PTPRG: variants seen among roughly 807,000 people sequenced by gnomAD.
PTPRG encodes the protein receptor-type tyrosine-protein phosphatase gamma.
PTPRG carries 102 observed loss-of-function variants against 165.3 expected under a neutral mutation model. The ratio of observed to expected loss-of-function variants is 0.62; its 90% confidence interval spans 0.53 to 0.73. The LOEUF (loss-of-function observed/expected upper bound fraction) is 0.73, where lower values mean the gene tolerates loss of function less well. PTPRG is among the 30% of genes least tolerant of loss of function. PTPRG has a pLI of 0.00. For missense variants in PTPRG, 1,866 were observed against 1,861.4 expected (o/e 1.00, Z -0.05); for synonymous variants, 675 against 669.5 (o/e 1.01, Z -0.13).
At chr3:62,232,827 G>A (rs1224719632) in intron 14 of PTPRG, among the ~76,000 whole-genome samples, 3 of 152,224 alleles carry the variant, frequency 2.0e-5, no homozygotes, top group Non-Finnish European at 4.4e-5. Context: ...GGTATTTATA[G>A]AATCCCTCTG....
At chr3:61,761,189 A>G (rs1244804065) in intron 2 of PTPRG, among the ~76,000 whole-genome samples, 1 of 152,164 alleles carries the variant, frequency 6.6e-6, no homozygotes, top group Non-Finnish European at 1.5e-5. Context: ...ATCTTCCACA[A>G]TGATTGAACT....
chr3:62,024,447 A>G (rs2041764087), intron 4 of PTPRG, among the ~76,000 whole-genome samples: 1 of 152,232 alleles, frequency 6.6e-6, no homozygotes. Flanking sequence ...ATGCCAGGTA[A>G]CTTCAAAAGA....
At chr3:62,200,869 A>G (rs1037678052) in intron 10 of PTPRG, among the ~76,000 whole-genome samples, 12 of 152,240 alleles carry the variant, frequency 7.9e-5, no homozygotes, top group Non-Finnish European at 1.5e-4. Context: ...TGGTGAAATT[A>G]CCAATTTAAG....
At chr3:61,640,971 A>G (rs1353898712) in intron 1 of PTPRG, among the ~76,000 whole-genome samples, 1 of 152,130 alleles carries the variant, frequency 6.6e-6, no homozygotes, top group African/African-American at 2.4e-5. Flanking sequence ...CCTCTGAGGA[A>G]CTTGGTGTGG....
At chr3:62,131,796 A>C (rs1448790627) in intron 5 of PTPRG, among the ~76,000 whole-genome samples, 1 of 151,872 alleles carries the variant, frequency 6.6e-6, no homozygotes, top group Non-Finnish European at 1.5e-5. Context: ...TACCCCGCTC[A>C]CTCCCCCTGC....
intron 2 of PTPRG, among the ~76,000 whole-genome samples, chr3:61,958,245 G>T (rs1361916065): frequency 6.6e-6 from 1 of 151,932 alleles, no homozygotes; most frequent in Non-Finnish European, 1.5e-5. Flanking sequence ...TCCTGTCTCA[G>T]TCTCCCAACC....
intron 5 of PTPRG, among the ~76,000 whole-genome samples, chr3:62,129,163 C>T (rs1703422421): frequency 6.6e-6 from 1 of 152,118 alleles, no homozygotes; most frequent in Non-Finnish European, 1.5e-5. Context: ...CGTTCCTGAG[C>T]TCAGATGAGG....
intron 6 of PTPRG, among the ~76,000 whole-genome samples, chr3:62,138,075 T>C (rs1194172104): frequency 1.3e-5 from 2 of 152,242 alleles, no homozygotes; most frequent in African/African-American, 4.8e-5. Flanking sequence ...AGACCACTGC[T>C]GCACTGTATG....
chr3:61,891,942 G>A (rs2038225682), intron 2 of PTPRG, among the ~76,000 whole-genome samples: 1 of 151,048 alleles, frequency 6.6e-6, no homozygotes, highest in South Asian at 2.1e-4. Flanking sequence ...AAACTGATAT[G>A]CATTTTCAGT....
chr3:61,984,096 C>A (rs529225017), intron 2 of PTPRG, among the ~76,000 whole-genome samples: 1 of 152,162 alleles, frequency 6.6e-6, no homozygotes, highest in African/African-American at 2.4e-5. Context: ...GAATTAATCT[C>A]CAATTGTGTG....
At chr3:62,061,474 C>G (rs1221680438) in intron 4 of PTPRG, among the ~76,000 whole-genome samples, 1 of 152,066 alleles carries the variant, frequency 6.6e-6, no homozygotes, top group Non-Finnish European at 1.5e-5. Context: ...TTTTTATCCC[C>G]TCCTTTAAAC....
chr3:62,007,492 T>C lies in PTPRG; in HGVS notation c.519+3995T>C, dbSNP rs140871209. Among the ~76,000 whole-genome samples, 1,284 of 152,308 alleles carry C rather than the reference T, an allele frequency of 8.4e-3. 27 individuals carry two copies. The highest frequency in any genetic ancestry group is 0.03 in the African/African-American group (1,234 of 41,566). ...CAATGCCATGCCTTGGAGACTGAAC[T>C]CAATTTGGATCCTCAGATGCCCTCA... On this transcript the variant is annotated intron_variant, in intron 4 of 29. Transcript: ENST00000474889.
chr3:61,841,661 C>T (rs902682385), intron 2 of PTPRG, among the ~76,000 whole-genome samples: 3 of 151,878 alleles, frequency 2.0e-5, no homozygotes, highest in Non-Finnish European at 4.4e-5. Context: ...CAGTCATGTG[C>T]TTCTGTCCAC....
intron 28 of PTPRG, among the ~76,000 whole-genome samples, chr3:62,291,116 T>C (rs1249653182): frequency 6.6e-6 from 1 of 152,116 alleles, no homozygotes; most frequent in East Asian, 1.9e-4. Context: ...TCAGTATTCA[T>C]AAAAAGACAT....
chr3:62,253,908 G>T (rs1701478451), intron 15 of PTPRG, among the ~76,000 whole-genome samples: 1 of 152,170 alleles, frequency 6.6e-6, no homozygotes, highest in South Asian at 2.1e-4. Context: ...AAGCAACTTG[G>T]ATTATGAACA....
At chr3:62,288,682 A>G (rs1576230412) in intron 28 of PTPRG, among the ~76,000 whole-genome samples, 1 of 152,120 alleles carries the variant, frequency 6.6e-6, no homozygotes, top group African/African-American at 2.4e-5. Context: ...CAAAAAAAAA[A>G]AAAAAAATTC....
At chr3:61,652,882 C>G (rs1702394836) in intron 1 of PTPRG, among the ~76,000 whole-genome samples, 1 of 152,198 alleles carries the variant, frequency 6.6e-6, no homozygotes, top group South Asian at 2.1e-4. Context: ...TCTAATGTAA[C>G]TGCCAGCTAT....
At chr3:61,684,092 C>T (rs1234047859) in intron 1 of PTPRG, among the ~76,000 whole-genome samples, 1 of 152,194 alleles carries the variant, frequency 6.6e-6, no homozygotes, top group Non-Finnish European at 1.5e-5. Flanking sequence ...TTCCGTTTGC[C>T]ACTGTTGTCT....
intron 1 of PTPRG, 78 bp downstream of exon 1, chr3:61,562,450 C>T (rs1235401870): frequency 1.4e-6 from 2 of 1,408,994 alleles, no homozygotes; most frequent in Non-Finnish European, 1.0e-6. Context: ...GGGCGCGGAG[C>T]TCCGGCGCCC....
Sources: gnomAD v4.1 joint callset for allele counts (sites outside exome capture counted in the v4.1 genomes callset) on GRCh38, gnomAD v4.1.1 for gene constraint, MANE v1.5 for transcripts, NCBI Gene and HGNC (gene_info 2026-07-23, HGNC 2026-07-21) for gene names.